Variants in TM2D3 observed in about 807,000 individuals in gnomAD.
The protein encoded by TM2D3 is TM2 domain containing 3, also known as TM2 domain-containing protein 3.
A neutral mutation model predicts 27.3 loss-of-function variants in TM2D3; 33 were observed. The ratio of observed to expected loss-of-function variants is 1.21; its 90% CI spans 0.92 to 1.61. TM2D3 has a LOEUF of 1.61. Among genes scored for constraint, TM2D3 ranks in the 40% most tolerant of loss-of-function variants. TM2D3 has a pLI of 0.00. For synonymous variants in TM2D3, 138 were observed against 122.2 expected (o/e 1.13, Z -0.85); for missense variants, 364 against 320.8 (o/e 1.13, Z -1.03).
At position 101,641,861 on chromosome 15, in the gene TM2D3, A is replaced by G; in HGVS notation, c.*618T>C. The G allele has an allele frequency of 1.1e-6, 1 of 923,824 alleles. No individual in the cohort carries two copies. Among genetic ancestry groups the G allele is most frequent in the Non-Finnish European group, 1.3e-6 (1 of 773,704 alleles). The allele number at this position is 923,824 out of a possible 1,614,324, so 57.2% of individuals were successfully genotyped here. A position where few individuals can be genotyped will look rare whatever the true frequency, so the allele number is the denominator to read the frequency against. On this transcript the variant is annotated 3_prime_UTR_variant, in exon 6 of 6. Coordinates refer to ENST00000333202, the MANE Select transcript of TM2D3 (RefSeq NM_078474.3). ...AGGCCCACAGTATTTCTTAACTTGC[A>G]ATTTTATTAATTTTTCAGTACTCTT...
chr15:101,645,116 G>C lies in TM2D3; in HGVS notation c.549C>G (p.Gly183=). 6.2e-7 allele frequency: 1 copy of C among 1,613,218 alleles called. No homozygotes were observed. The highest frequency in any genetic ancestry group is 8.5e-7 in the Non-Finnish European group (1 of 1,179,818). The part of the protein sequence containing the change: ...PKMLYCNWTG[G]YKWSTALALS... ...GAGCCAGAGCCGTAGACCACTTATAGCCTCCAGTCCAATTGCAATATAGCA... is the reference window on the plus strand; with the variant it reads ...GAGCCAGAGCCGTAGACCACTTATACCCTCCAGTCCAATTGCAATATAGCA... The change falls in exon 5 of 6, where the codon GGC becomes GGG. Residue 183 remains glycine, a synonymous_variant. Transcript: ENST00000333202.
In TM2D3 at chr15:101,642,626, A is replaced by C; in HGVS notation, c.597T>G (p.Phe199Leu). ...GGCCCAGGTAGAAACGGTCTGCTCC[A>C]AACCCACCGAGGGTGATGCTGCGAT... ...ALALSITLGG[F>L]GADRFYLGQW... The change falls in exon 6 of 6, where the codon TTT (phenylalanine) becomes TTG (leucine). Residue 199 changes from phenylalanine to leucine, a missense_variant. By Grantham distance (22) the Phe-to-Leu change is conservative. Coordinates refer to ENST00000333202, the MANE Select transcript of TM2D3 (RefSeq NM_078474.3). 6.2e-7 allele frequency: 1 copy of C among 1,609,458 alleles called. No homozygotes were observed. Among genetic ancestry groups the C allele is most frequent in the Non-Finnish European group, 8.5e-7 (1 of 1,177,754 alleles).
rs765060120 is a variant in TM2D3, at chr15:101,651,736, C to T, written c.129G>A (p.Pro43=). ...CTACTGTGAATGTGCGTGTTGGGCC[C>T]GGATCCTTTATTGACTGAGCCAGCG... ...SQALAQSIKD[P]GPTRTFTVVP... Residue 43 remains proline, a synonymous_variant, in exon 2 of 6, where the codon CCG becomes CCA. Coordinates refer to ENST00000333202, the MANE Select transcript of TM2D3 (RefSeq NM_078474.3). The T allele has an allele frequency of 1.2e-6, 2 of 1,614,166 alleles. No homozygotes were observed. Among genetic ancestry groups the T allele is most frequent in the Non-Finnish European group, 1.7e-6 (2 of 1,180,024 alleles).
intron 1 of TM2D3, 28 bp from the exon 2 acceptor site, chr15:101,651,801 A>C (rs762814665): frequency 2.5e-6 from 4 of 1,611,564 alleles, no homozygotes; most frequent in Non-Finnish European, 3.4e-6. Context: ...ACAATTAGAG[A>C]AACACGTTAT....
In TM2D3 at chr15:101,642,069, A is replaced by T; in HGVS notation, c.*410T>A. On this transcript the variant is annotated 3_prime_UTR_variant, in exon 6 of 6. Transcript: ENST00000333202. The stretch of plus-strand genomic sequence containing the variant: ...CAACAGAAACACTCCCACTTCCTGC[A>T]GTCACAGCAATTAGCTAACAATAAA... 1 of 987,650 alleles carries T rather than the reference A, an allele frequency of 1.0e-6. No homozygotes were observed. The highest frequency in any genetic ancestry group is 4.6e-5 in the South Asian group (1 of 21,776). 61.2% of individuals were successfully genotyped at this position (987,650 alleles called of 1,614,324 possible).
In TM2D3 at chr15:101,650,080, C is replaced by T; in HGVS notation, c.251G>A (p.Cys84Tyr). Residue 84 changes from cysteine to tyrosine, a missense_variant, in exon 3 of 6, where the codon TGC (cysteine) becomes TAC (tyrosine). Cys to Tyr is a radical substitution (Grantham distance 194). Transcript: ENST00000333202. ...ATAGGTACAGGAGAAATTTGTTGTG[C>T]AGTCTATACAGTCTGCAGGAAGCCT... is the stretch of plus-strand genomic sequence containing the variant. ...CSRLPADCIDCTTNFSCTYGK... is the reference protein window; with the variant it reads ...CSRLPADCIDYTTNFSCTYGK... 1.2e-6 allele frequency: 2 copies of T among 1,614,140 alleles called. No homozygotes were observed. The highest frequency in any genetic ancestry group is 1.7e-6 in the Non-Finnish European group (2 of 1,180,004).
Position 101,642,576 on chromosome 15 carries a change from A to G in TM2D3, c.647T>C (p.Leu216Pro), listed in dbSNP as rs1240353867. Residue 216 changes from leucine (L) to proline (P), a missense_variant, in exon 6 of 6, where the codon CTC (leucine) becomes CCC (proline). Coordinates refer to ENST00000333202, the MANE Select transcript of TM2D3 (RefSeq NM_078474.3). Reference protein sequence around the residue: ...LGQWREGLGKLFSFGGLGIWT... With the variant: ...LGQWREGLGKPFSFGGLGIWT... ...TATTCCCAGGCCACCGAAGCTGAAGAGCTTGCCGAGGCCTTCCCGCCACTG... is the reference window on the plus strand; with the variant it reads ...TATTCCCAGGCCACCGAAGCTGAAGGGCTTGCCGAGGCCTTCCCGCCACTG... 1 of 1,612,510 alleles carries G rather than the reference A, an allele frequency of 6.2e-7. No homozygotes were observed. Among genetic ancestry groups the G allele is most frequent in the Non-Finnish European group, 8.5e-7 (1 of 1,179,718 alleles).
downstream of TM2D3, among the ~76,000 whole-genome samples, chr15:101,640,841 T>A (rs1896650344): frequency 6.6e-6 from 1 of 152,216 alleles, no homozygotes; most frequent in Non-Finnish European, 1.5e-5. Context: ...ACAAGTTCAT[T>A]TATGCCTCCT....
At chr15:101,634,194 G>C (rs1213332415) in intron 4 of TM2D3, 4 of 152,910 alleles carry the variant, frequency 2.6e-5, no homozygotes, top group African/African-American at 7.2e-5. Flanking sequence ...AGCACTTTGG[G>C]AGGCCGAAGC....
chr15:101,644,913 A>G (rs1266930433), intron 5 of TM2D3, among the ~76,000 whole-genome samples, 174 bp downstream of exon 5: 4 of 152,146 alleles, frequency 2.6e-5, no homozygotes, highest in African/African-American at 4.8e-5. Context: ...CTGCCAGTCA[A>G]CTCCACGGAG....
At chr15:101,644,624 T>C (rs1896756922) in intron 5 of TM2D3, among the ~76,000 whole-genome samples, 1 of 152,204 alleles carries the variant, frequency 6.6e-6, no homozygotes, top group African/African-American at 2.4e-5. Flanking sequence ...TAAAGTACTG[T>C]TGAGAAGTTT....
Position 101,646,739 on chromosome 15 carries a change from TGGTCCCGCACC to T in TM2D3, c.477_487del (p.Val160ArgfsTer6), listed in dbSNP as rs747735638. On this transcript the variant is annotated frameshift_variant, in exon 4 of 6. Coordinates refer to ENST00000333202, the MANE Select transcript of TM2D3 (RefSeq NM_078474.3). LOFTEE classifies it high-confidence loss of function. ...CTCTGACCTACCCAAGCAGTGGACG[TGGTCCCGCACC>T]GTGCAGTTGGCAGGGTAGCGCTGCC... 9.3e-6 allele frequency: 15 copies of T among 1,614,184 alleles called. No individual in the cohort carries two copies. Among genetic ancestry groups the T allele is most frequent in the Non-Finnish European group, 1.0e-5 (12 of 1,180,028 alleles).
chr15:101,642,833 A>G lies in TM2D3; in HGVS notation c.579-189T>C, dbSNP rs114524971. 1.5e-3 allele frequency among the ~76,000 whole-genome samples: 227 copies of G among 152,348 alleles called. 1 individual carries two copies. Among genetic ancestry groups the G allele is most frequent in the African/African-American group, 5.0e-3 (209 of 41,576 alleles). On this transcript the variant is annotated intron_variant, in intron 5 of 5. Coordinates refer to ENST00000333202, the MANE Select transcript of TM2D3 (RefSeq NM_078474.3). The stretch of plus-strand genomic sequence containing the variant: ...AATTACGGGCAGGAAGACAGTTTAA[A>G]TGTCAAAAGTAAACATACAATTTTT...
At chr15:101,648,486 G>A (rs180770677) in intron 3 of TM2D3, among the ~76,000 whole-genome samples, 1 of 152,162 alleles carries the variant, frequency 6.6e-6, no homozygotes, top group Non-Finnish European at 1.5e-5. Context: ...TAAAAAGTAG[G>A]TGACACATGT....
intron 1 of TM2D3, 135 bp from the exon 2 acceptor site, chr15:101,651,908 A>G: frequency 1.1e-6 from 1 of 884,532 alleles, no homozygotes; most frequent in Non-Finnish European, 1.9e-6. Context: ...GTCAGCCAGA[A>G]AACACAAAGC....
At chr15:101,645,463 A>G in intron 4 of TM2D3, 2 of 327,776 alleles carry the variant, frequency 6.1e-6, no homozygotes, top group Non-Finnish European at 1.1e-5. Context: ...CCCAATAGGA[A>G]AAGAAGAGAA....
chr15:101,651,814 C>T (rs374953415), intron 1 of TM2D3, 41 bp from the exon 2 acceptor site: 246 of 1,606,692 alleles, frequency 1.5e-4, no homozygotes, highest in Non-Finnish European at 1.8e-4. Flanking sequence ...CACGTTATCC[C>T]GGGACAAGAA....
chr15:101,638,189 C>T (rs898325590), downstream of TM2D3, among the ~76,000 whole-genome samples: 1 of 152,162 alleles, frequency 6.6e-6, no homozygotes, highest in African/African-American at 2.4e-5. Flanking sequence ...TCTCACTGGT[C>T]TCTTCCCAGC....
At position 101,651,784 on chromosome 15, in the gene TM2D3, G is replaced by C. The variant is rs770501655; in HGVS notation, c.92-11C>G. On this transcript the variant is annotated splice_polypyrimidine_tract_variant and intron_variant, in intron 1 of 5. Coordinates refer to ENST00000333202, the MANE Select transcript of TM2D3 (RefSeq NM_078474.3). ...GCGCCTGCGATTGCTCTAAATTTAA[G>C]GATCGTACAATTAGAGAAACACGTT... 1 of 1,614,018 alleles carries C rather than the reference G, an allele frequency of 6.2e-7. No homozygotes were observed. The highest frequency in any genetic ancestry group is 2.2e-5 in the East Asian group (1 of 44,878).
Sources: allele counts gnomAD v4.1 joint callset (sites outside exome capture counted in the v4.1 genomes callset), GRCh38; gene constraint gnomAD v4.1.1; transcripts MANE v1.5; gene names NCBI Gene and HGNC (gene_info 2026-07-23, HGNC 2026-07-21).